LPGAT1: variants seen among roughly 807,000 people sequenced by gnomAD.
LPGAT1 encodes the protein lysophosphatidylglycerol acyltransferase 1.
A neutral mutation model predicts 47.5 loss-of-function variants in LPGAT1; 11 were observed. The observed-to-expected ratio is 0.23, with a 90% CI of 0.15 to 0.38. LPGAT1 has a LOEUF of 0.38. Ranked by LOEUF, LPGAT1 falls within the 10% of genes least tolerant of loss-of-function variation. LPGAT1 has a pLI of 1.00. For missense variants in LPGAT1, 293 were observed against 439.0 expected, an observed-to-expected ratio of 0.67 and a Z score of 2.97; for synonymous variants, 138 against 144.2, an observed-to-expected ratio of 0.96 and a Z score of 0.31.
intron 2 of LPGAT1, among the ~76,000 whole-genome samples, chr1:211,815,078 C>T (rs530140202): frequency 2.6e-5 from 4 of 152,252 alleles, no homozygotes; most frequent in African/African-American, 9.6e-5. Context: ...CTGGGCCTCT[C>T]GTCACTTCGT....
At chr1:211,817,845 G>A (rs867099934) in intron 2 of LPGAT1, among the ~76,000 whole-genome samples, 1 of 151,812 alleles carries the variant, frequency 6.6e-6, no homozygotes, top group African/African-American at 2.4e-5. Context: ...TTTTGTTTTT[G>A]TTTTGAGACA....
At chr1:211,794,891 A>G (rs1306863548) in intron 2 of LPGAT1, among the ~76,000 whole-genome samples, 1 of 152,236 alleles carries the variant, frequency 6.6e-6, no homozygotes, top group African/African-American at 2.4e-5. Flanking sequence ...TTCTACTTCT[A>G]GAAATGCATC....
At chr1:211,811,253 C>G (rs1322829763) in intron 2 of LPGAT1, among the ~76,000 whole-genome samples, 1 of 152,168 alleles carries the variant, frequency 6.6e-6, no homozygotes, top group Non-Finnish European at 1.5e-5. Flanking sequence ...ACATTCTACA[C>G]TGCAGCAGAA....
intron 3 of LPGAT1, among the ~76,000 whole-genome samples, chr1:211,790,990 C>A (rs1256927049): frequency 6.6e-6 from 1 of 152,080 alleles, no homozygotes; most frequent in African/African-American, 2.4e-5. Flanking sequence ...GCCAAATCAA[C>A]TAGTTTTGCA....
intron 2 of LPGAT1, among the ~76,000 whole-genome samples, chr1:211,803,556 C>G (rs1474057908): frequency 1.3e-5 from 2 of 151,972 alleles, no homozygotes; most frequent in Admixed American, 1.3e-4. Context: ...TCATTTCATA[C>G]CAAAGCAAGC....
chr1:211,782,559 C>T (rs1658685621), intron 5 of LPGAT1, among the ~76,000 whole-genome samples: 2 of 152,102 alleles, frequency 1.3e-5, no homozygotes, highest in African/African-American at 4.8e-5. Flanking sequence ...CACAGTGAGA[C>T]CCCATCTCTA....
At chr1:211,795,423 A>C (rs1659311614) in intron 2 of LPGAT1, among the ~76,000 whole-genome samples, 1 of 152,140 alleles carries the variant, frequency 6.6e-6, no homozygotes, top group Non-Finnish European at 1.5e-5. Context: ...GCTGGAGTGC[A>C]ATGGCGTGAT....
intron 2 of LPGAT1, 85 bp from the exon 3 acceptor site, chr1:211,793,275 T>C (rs1659210798): frequency 2.5e-6 from 2 of 796,108 alleles, no homozygotes; most frequent in Non-Finnish European, 4.1e-6. Flanking sequence ...ATGATGTATA[T>C]TAATGATGAT....
At chr1:211,779,881 T>C (rs200554581) in intron 5 of LPGAT1, among the ~76,000 whole-genome samples, 5 of 100,830 alleles carry the variant, frequency 5.0e-5, no homozygotes, top group South Asian at 3.1e-4. Context: ...AATAAATAAA[T>C]AAACATAAAA....
intron 2 of LPGAT1, among the ~76,000 whole-genome samples, chr1:211,807,829 C>T (rs1659817118): frequency 6.6e-6 from 1 of 151,902 alleles, no homozygotes; most frequent in Admixed American, 6.6e-5. Context: ...TGAGTTTGGG[C>T]AAAGTACTCT....
chr1:211,810,800 A>C (rs1303959499), intron 2 of LPGAT1, among the ~76,000 whole-genome samples: 1 of 152,236 alleles, frequency 6.6e-6, no homozygotes, highest in Non-Finnish European at 1.5e-5. Flanking sequence ...CCCGGGTAGT[A>C]ACCTTCCTGG....
intron 6 of LPGAT1, among the ~76,000 whole-genome samples, chr1:211,766,889 G>A (rs1657941928): frequency 6.6e-6 from 1 of 152,164 alleles, no homozygotes; most frequent in Admixed American, 6.5e-5. Flanking sequence ...TATTGATTCT[G>A]TTTCTCTGGA....
At chr1:211,755,186 A>G (rs984217610) in intron 6 of LPGAT1, among the ~76,000 whole-genome samples, 5 of 151,820 alleles carry the variant, frequency 3.3e-5, no homozygotes, top group African/African-American at 1.2e-4. Context: ...AAATACAAAA[A>G]AATTAGCCAG....
intron 6 of LPGAT1, among the ~76,000 whole-genome samples, chr1:211,769,521 A>C (rs1321489540): frequency 6.6e-6 from 1 of 152,234 alleles, no homozygotes; most frequent in Non-Finnish European, 1.5e-5. Context: ...GGGTGAGTCC[A>C]TAGACTAAAG....
intron 2 of LPGAT1, among the ~76,000 whole-genome samples, chr1:211,812,103 C>A (rs1284727911): frequency 1.3e-5 from 2 of 152,138 alleles, no homozygotes; most frequent in African/African-American, 2.4e-5. Context: ...TGTTAAACGG[C>A]CTGGCACAGC....
Position 211,745,147 on chromosome 1 carries a change from T to C in LPGAT1, c.*4752A>G, listed in dbSNP as rs928060427. 6.6e-6 allele frequency: 1 copy of C among 152,660 alleles called. No individual in the cohort carries two copies. Among genetic ancestry groups the C allele is most frequent in the Non-Finnish European group, 1.5e-5 (1 of 68,036 alleles). 9.5% of individuals were successfully genotyped at this position (152,660 alleles called of 1,614,324 possible). ...TGCATTCATAAACCAGATCCACGTGTGACCAGCCCTTTACAAAAATTAATT... is the reference window on the plus strand; with the variant it reads ...TGCATTCATAAACCAGATCCACGTGCGACCAGCCCTTTACAAAAATTAATT... On this transcript the variant is annotated 3_prime_UTR_variant, in exon 8 of 8. Coordinates refer to ENST00000366997, the MANE Select transcript of LPGAT1 (RefSeq NM_014873.3).
At chr1:211,777,993 T>C (rs1165329630) in intron 6 of LPGAT1, among the ~76,000 whole-genome samples, 1 of 152,144 alleles carries the variant, frequency 6.6e-6, no homozygotes, top group South Asian at 2.1e-4. Flanking sequence ...ACCAGTGCCA[T>C]CACAGTTTAC....
chr1:211,762,001 T>C lies in LPGAT1; in HGVS notation c.855-10934A>G, dbSNP rs540566431. ...GTCCCAGTGGTTAGCACAGAATAGG[T>C]ACTCTTTGTAAGACAGATAAAAACT... On this transcript the variant is annotated intron_variant, in intron 6 of 7. Coordinates refer to ENST00000366997, the MANE Select transcript of LPGAT1 (RefSeq NM_014873.3). Among the ~76,000 whole-genome samples, 258 of 152,230 alleles carry C rather than the reference T, an allele frequency of 1.7e-3. 1 individual carries two copies. The highest frequency in any genetic ancestry group is 2.8e-3 in the Non-Finnish European group (188 of 68,032).
rs756755536 is a variant in LPGAT1 at position 211,783,377 on chromosome 1, T to C, written c.579A>G (p.Glu193=). The C allele has an allele frequency of 1.2e-6, 2 of 1,614,190 alleles. No individual in the cohort carries two copies. The highest frequency in any genetic ancestry group is 2.2e-5 in the South Asian group (2 of 91,080). Residue 193 remains glutamate (E), a synonymous_variant, in exon 5 of 8, where the codon GAA becomes GAG. Coordinates refer to ENST00000366997, the MANE Select transcript of LPGAT1 (RefSeq NM_014873.3). The part of the protein sequence containing the change: ...PEGGFLRKRR[E]TSQAFAKKNN... ...TTTTCTTGGCAAATGCCTGACTTGT[T>C]TCTCGCCTCTTCCTGAGGAAGCCCC...
Sources: allele counts gnomAD v4.1 joint callset (sites outside exome capture counted in the v4.1 genomes callset), GRCh38; gene constraint gnomAD v4.1.1; transcripts MANE v1.5; gene names NCBI Gene and HGNC (gene_info 2026-07-23, HGNC 2026-07-21).